DNAH6: variants seen among roughly 807,000 people sequenced by gnomAD.
The protein encoded by DNAH6 is dynein axonemal heavy chain 6, also known as axonemal beta dynein heavy chain 6.
A neutral mutation model predicts 491.4 loss-of-function variants in DNAH6; 340 were observed. The observed-to-expected ratio is 0.69, with a 90% confidence interval of 0.63 to 0.76. The LOEUF (loss-of-function observed/expected upper bound fraction) is 0.76, where lower values mean the gene tolerates loss of function less well. Ranked by LOEUF, DNAH6 falls within the 30% of genes least tolerant of loss-of-function variation. The pLI is 0.00. For synonymous variants in DNAH6, 1,603 were observed against 1,686.1 expected (o/e 0.95, Z 1.21); for missense variants, 4,443 against 4,972.2 (o/e 0.89, Z 3.20).
chr2:84,706,417 A>T (rs1696441295), intron 52 of DNAH6, among the ~76,000 whole-genome samples: 1 of 152,238 alleles, frequency 6.6e-6, no homozygotes, highest in Admixed American at 6.5e-5. Flanking sequence ...ATGAAATATT[A>T]TTCTTTTAAA....
At chr2:84,738,573 T>C (rs1453811308) in intron 62 of DNAH6, among the ~76,000 whole-genome samples, 1 of 152,198 alleles carries the variant, frequency 6.6e-6, no homozygotes, top group East Asian at 1.9e-4. Flanking sequence ...TTTTGTTGAA[T>C]TGAGCCCCTT....
intron 70 of DNAH6, among the ~76,000 whole-genome samples, chr2:84,801,542 T>C (rs964083688): frequency 6.6e-6 from 1 of 152,092 alleles, no homozygotes; most frequent in African/African-American, 2.4e-5. Context: ...AGCAGAAAAC[T>C]TAGAAGCCAG....
At chr2:84,805,826 T>C (rs547905914) in intron 71 of DNAH6, 32 bp downstream of exon 71, 12 of 1,533,816 alleles carry the variant, frequency 7.8e-6, no homozygotes, top group Non-Finnish European at 9.7e-6. Flanking sequence ...CTGTATGTAA[T>C]GGGAATTTTA....
intron 31 of DNAH6, among the ~76,000 whole-genome samples, chr2:84,640,098 C>T (rs1396045795): frequency 2.0e-5 from 3 of 152,296 alleles, no homozygotes; most frequent in Non-Finnish European, 2.9e-5. Flanking sequence ...TGCTTTTGTA[C>T]TCGGGCCTAA....
chr2:84,494,356 A>G, the DNAH6 span, among the ~76,000 whole-genome samples: 1 of 152,202 alleles, frequency 6.6e-6, no homozygotes, highest in Admixed American at 6.5e-5. Context: ...CCTGATTTTC[A>G]GGAAGCAAAA....
At chr2:84,652,017 T>G (rs574204234) in intron 33 of DNAH6, among the ~76,000 whole-genome samples, 1 of 151,962 alleles carries the variant, frequency 6.6e-6, no homozygotes, top group East Asian at 1.9e-4. Context: ...ATAATAAACC[T>G]ATAGAACTAC....
intron 63 of DNAH6, among the ~76,000 whole-genome samples, chr2:84,759,214 A>G (rs1480758742): frequency 6.6e-6 from 1 of 152,120 alleles, no homozygotes; most frequent in Non-Finnish European, 1.5e-5. Flanking sequence ...TACCAAAAAA[A>G]AAAAAATACC....
upstream of DNAH6, among the ~76,000 whole-genome samples, chr2:84,513,057 T>A (rs991350834): frequency 1.3e-5 from 2 of 152,162 alleles, no homozygotes; most frequent in Non-Finnish European, 2.9e-5. Context: ...TATTGCCTTC[T>A]TTTGTATGAG....
chr2:84,817,340 G>C (rs536194387), intron 76 of DNAH6, among the ~76,000 whole-genome samples: 64 of 152,296 alleles, frequency 4.2e-4, no homozygotes, highest in Non-Finnish European at 7.9e-4. Context: ...ACCTTCAAAG[G>C]GTTGAGGGAA....
chr2:84,652,772 CTG>C (rs1329122871), intron 33 of DNAH6, among the ~76,000 whole-genome samples: 1 of 151,990 alleles, frequency 6.6e-6, no homozygotes, highest in Admixed American at 6.6e-5. Context: ...CTCATACTAA[CTG>C]TTTCCTATAG....
chr2:84,795,019 T>C (rs1334677276), intron 68 of DNAH6, among the ~76,000 whole-genome samples: 6 of 149,616 alleles, frequency 4.0e-5, no homozygotes, highest in African/African-American at 1.5e-4. Flanking sequence ...TGAGTTCATG[T>C]CCTTTGTAGG....
rs529274698 is a variant in DNAH6, at chr2:84,783,084, T to A, written c.10864+1431T>A. ...AGTTCTGATGTTTAACTTGAACCAGTAGGAAATAAAATACATTCAGGTAAT... is the reference window on the plus strand; with the variant it reads ...AGTTCTGATGTTTAACTTGAACCAGAAGGAAATAAAATACATTCAGGTAAT... On this transcript the variant is annotated intron_variant, in intron 65 of 76. Coordinates refer to ENST00000389394, the MANE Select transcript of DNAH6 (RefSeq NM_001370.2). 3.3e-5 allele frequency among the ~76,000 whole-genome samples: 5 copies of A among 151,982 alleles called. No individual in the cohort carries two copies. The South Asian group carries it at 1.0e-3, about 32-fold the overall frequency.
chr2:84,505,445 T>G, the DNAH6 span, among the ~76,000 whole-genome samples: 1 of 152,212 alleles, frequency 6.6e-6, no homozygotes, highest in African/African-American at 2.4e-5. Flanking sequence ...CAGGAAAGTT[T>G]TCAGGCTTTC....
chr2:84,530,346 G>GACTT (rs1279548545), intron 4 of DNAH6, among the ~76,000 whole-genome samples: 1 of 152,136 alleles, frequency 6.6e-6, no homozygotes, highest in Non-Finnish European at 1.5e-5. Context: ...TTTGAACAAG[G>GACTT]ACTTGAAAGA....
Position 84,812,376 on chromosome 2 carries a change from A to G in DNAH6, c.11775A>G (p.Gly3925=), listed in dbSNP as rs1443407697. 3.9e-6 allele frequency: 6 copies of G among 1,551,966 alleles called. No individual in the cohort carries two copies. The East Asian group carries it at 1.2e-4, about 32-fold the overall frequency. The change falls in exon 73 of 77, where the codon GGA becomes GGG. Residue 3925 remains glycine (G), a synonymous_variant. Coordinates refer to ENST00000389394, the MANE Select transcript of DNAH6 (RefSeq NM_001370.2). The part of the protein sequence containing the change: ...SLETLNKAIA[G]FVVMSEEMEK... ...AAACACTCAACAAAGCCATCGCTGG[A>G]TTTGTGGTGATGTCTGAAGAAATGG...
intron 14 of DNAH6, among the ~76,000 whole-genome samples, chr2:84,583,398 A>C (rs1277737366): frequency 6.6e-6 from 1 of 152,240 alleles, no homozygotes; most frequent in African/African-American, 2.4e-5. Context: ...ACAGAAAAAA[A>C]GAGGAAACAT....
chr2:84,805,752 A>T lies in DNAH6; in HGVS notation c.11569A>T (p.Ile3857Phe). The change falls in exon 71 of 77, where the codon ATT (isoleucine) becomes TTT (phenylalanine). Residue 3857 changes from isoleucine (I) to phenylalanine (F), a missense_variant. This residue lies in a region of DNAH6 where 1,463 missense variants were observed against 1,656.6 expected (regional missense o/e 0.88). Coordinates refer to ENST00000389394, the MANE Select transcript of DNAH6 (RefSeq NM_001370.2). ...TGGAGAGGGAAAAAGCAATGACGAA[A>T]TTGTTCAAGAACTTGTTGCTTCTGT... ...TGGEGKSNDE[I>F]VQELVASVQT... 6.4e-7 allele frequency: 1 copy of T among 1,551,644 alleles called. No homozygotes were observed. Among genetic ancestry groups the T allele is most frequent in the Non-Finnish European group, 8.7e-7 (1 of 1,146,914 alleles).
chr2:84,536,486 A>G (rs756486740), intron 4 of DNAH6, among the ~76,000 whole-genome samples: 1 of 152,098 alleles, frequency 6.6e-6, no homozygotes, highest in Non-Finnish European at 1.5e-5. Flanking sequence ...AAGATTATTA[A>G]GTCAAATAGA....
At chr2:84,817,432 A>G (rs780378834) in intron 76 of DNAH6, among the ~76,000 whole-genome samples, 5 of 152,202 alleles carry the variant, frequency 3.3e-5, no homozygotes, top group Non-Finnish European at 7.4e-5. Context: ...GAACATACAG[A>G]GGCGCTAAAT....
Sources: gnomAD v4.1 joint callset for allele counts (sites outside exome capture counted in the v4.1 genomes callset) on GRCh38, gnomAD v4.1.1 for gene constraint, gnomAD v4.1.1 regional missense constraint, MANE v1.5 for transcripts, NCBI Gene and HGNC (gene_info 2026-07-23, HGNC 2026-07-21) for gene names.